CSMD1: variants seen among roughly 807,000 people sequenced by gnomAD.
The protein encoded by CSMD1 is CUB and Sushi multiple domains 1, also known as CUB and sushi domain-containing protein 1.
CSMD1 carries 213 observed loss-of-function variants against 417.5 expected under a neutral mutation model. That is an observed-to-expected ratio of 0.51 (90% CI 0.46 to 0.57). The LOEUF (loss-of-function observed/expected upper bound fraction) is 0.57. Ranked by LOEUF, CSMD1 falls within the 20% of genes least tolerant of loss-of-function variation. The probability of loss-of-function intolerance (pLI) is 0.00; values close to 1 mark genes in which losing one functional copy is unlikely to be tolerated. For missense variants in CSMD1, 6,923 were observed against 4,529.7 expected, an observed-to-expected ratio of 1.53 and a Z score of -15.17; for synonymous variants, 2,862 against 1,736.8, an observed-to-expected ratio of 1.65 and a Z score of -16.11.
chr8:4,460,732 A>T (rs2129941834), intron 2 of CSMD1, among the ~76,000 whole-genome samples: 1 of 152,268 alleles, frequency 6.6e-6, no homozygotes, highest in South Asian at 2.1e-4. Flanking sequence ...AAATTACCCA[A>T]AACTTAAGTC....
At chr8:4,835,458 G>C (rs1429979247) in intron 1 of CSMD1, among the ~76,000 whole-genome samples, 1 of 152,160 alleles carries the variant, frequency 6.6e-6, no homozygotes, top group Non-Finnish European at 1.5e-5. Context: ...GGAACTAAAG[G>C]GAGAGACAGT....
rs530180163 is a variant in CSMD1, at chr8:4,769,461, T to C, written c.86-131903A>G. 5.3e-5 allele frequency among the ~76,000 whole-genome samples: 8 copies of C among 152,312 alleles called. No individual in the cohort carries two copies. In the South Asian group the frequency reaches 6.2e-4, roughly 12 times the overall value. ...TAAGGTATTATCTGAAGATCACTTA[T>C]GAAGATAAATACCTATGTATTAATA... On this transcript the variant is annotated intron_variant, in intron 1 of 69. Coordinates refer to ENST00000635120, the MANE Select transcript of CSMD1 (RefSeq NM_033225.6).
chr8:4,011,655 T>C (rs1816544952), intron 4 of CSMD1, among the ~76,000 whole-genome samples: 1 of 152,212 alleles, frequency 6.6e-6, no homozygotes, highest in Non-Finnish European at 1.5e-5. Flanking sequence ...TTTTCATTCC[T>C]ACACTTCCTA....
intron 2 of CSMD1, among the ~76,000 whole-genome samples, chr8:4,556,848 T>C (rs1798113880): frequency 6.6e-6 from 1 of 152,202 alleles, no homozygotes. Flanking sequence ...ATTTGGGATG[T>C]GTAACTAATA....
intron 3 of CSMD1, among the ~76,000 whole-genome samples, chr8:4,052,974 G>A (rs901505655): frequency 1.3e-5 from 2 of 152,068 alleles, no homozygotes. Context: ...CAGAACCTGA[G>A]GGCCCCCTTA....
intron 1 of CSMD1, among the ~76,000 whole-genome samples, chr8:4,770,766 A>G (rs1796560932): frequency 6.6e-6 from 1 of 152,182 alleles, no homozygotes; most frequent in Admixed American, 6.5e-5. Context: ...CTCATGCAAA[A>G]GAATGAAATT....
intron 10 of CSMD1, among the ~76,000 whole-genome samples, chr8:3,547,335 T>C (rs997038159): frequency 1.3e-5 from 2 of 152,238 alleles, no homozygotes; most frequent in African/African-American, 4.8e-5. Flanking sequence ...TAAGTGAGAA[T>C]GTAAAATTTG....
intron 1 of CSMD1, among the ~76,000 whole-genome samples, chr8:4,946,757 A>T (rs765091115): frequency 2.6e-4 from 39 of 152,246 alleles, no homozygotes; most frequent in Admixed American, 6.5e-5. Context: ...AGGTTCAGTT[A>T]TAACACCAAT....
intron 3 of CSMD1, among the ~76,000 whole-genome samples, chr8:4,361,639 T>C (rs958305288): frequency 4.6e-5 from 7 of 152,174 alleles, no homozygotes; most frequent in Non-Finnish European, 7.4e-5. Flanking sequence ...CCTTTTGTTT[T>C]GTTTTTCCTT....
chr8:4,692,996 G>A (rs571507527), intron 1 of CSMD1, among the ~76,000 whole-genome samples: 2 of 152,238 alleles, frequency 1.3e-5, no homozygotes, highest in South Asian at 2.1e-4. Flanking sequence ...CTGGAACAAA[G>A]CTCATCATGG....
At chr8:3,851,466 G>T (rs554981685) in intron 5 of CSMD1, among the ~76,000 whole-genome samples, 1 of 152,192 alleles carries the variant, frequency 6.6e-6, no homozygotes, top group African/African-American at 2.4e-5. Flanking sequence ...TATCTCAAGG[G>T]AAAAAGTACA....
chr8:4,565,331 A>G (rs964211230), intron 2 of CSMD1, among the ~76,000 whole-genome samples: 8 of 152,240 alleles, frequency 5.3e-5, no homozygotes, highest in Admixed American at 5.2e-4. Context: ...ATGGCTAACC[A>G]GTCTGCCTAA....
chr8:4,113,390 C>CTTT lies in CSMD1; in HGVS notation c.416-81294_416-81292dup, dbSNP rs59647790. On this transcript the variant is annotated intron_variant, in intron 3 of 69. Transcript: ENST00000635120. The stretch of plus-strand genomic sequence containing the variant: ...ATGTTCTTCAAGGAAAATAAAAGGG[C>CTTT]TTTTTTTTTTTTTTTTTTTTTTTTT... 4.3e-4 allele frequency among the ~76,000 whole-genome samples: 35 copies of CTTT among 81,200 alleles called. 1 individual carries two copies. The highest frequency in any genetic ancestry group is 1.8e-3 in the East Asian group (4 of 2,258). 53.3% of individuals were successfully genotyped at this position (81,200 alleles called of 152,430 possible). A position where few individuals can be genotyped will look rare whatever the true frequency, so the allele number is the denominator to read the frequency against.
intron 49 of CSMD1, among the ~76,000 whole-genome samples, chr8:3,085,713 A>G (rs1585311009): frequency 6.6e-6 from 1 of 152,324 alleles, no homozygotes; most frequent in South Asian, 2.1e-4. Flanking sequence ...TCCCAAACCT[A>G]TATATGTGAC....
intron 5 of CSMD1, among the ~76,000 whole-genome samples, chr8:3,816,359 C>T (rs1375416236): frequency 1.3e-5 from 2 of 152,160 alleles, no homozygotes; most frequent in Non-Finnish European, 2.9e-5. Flanking sequence ...AATAAGTGAG[C>T]ACAGCAGGAA....
At chr8:3,871,630 T>A (rs937380898) in intron 5 of CSMD1, among the ~76,000 whole-genome samples, 1 of 152,224 alleles carries the variant, frequency 6.6e-6, no homozygotes, top group East Asian at 1.9e-4. Flanking sequence ...GGATATATTT[T>A]TTCTCACTTT....
At chr8:3,787,379 A>T (rs1275380051) in intron 5 of CSMD1, among the ~76,000 whole-genome samples, 2 of 152,206 alleles carry the variant, frequency 1.3e-5, no homozygotes, top group Non-Finnish European at 2.9e-5. Context: ...TCAATTAAGT[A>T]AGCAGATAAC....
At position 4,106,180 on chromosome 8, in the gene CSMD1, A is replaced by T. The variant is rs138624199; in HGVS notation, c.416-74081T>A. On this transcript the variant is annotated intron_variant, in intron 3 of 69. Coordinates refer to ENST00000635120, the MANE Select transcript of CSMD1 (RefSeq NM_033225.6). ...GAGTACAGACCAGCGTCTGTGCCTG[A>T]TGGACACCCGGAGATCTATGAGAGG... Among the ~76,000 whole-genome samples, 197 of 152,316 alleles carry T rather than the reference A, an allele frequency of 1.3e-3. 1 individual carries two copies. The highest frequency in any genetic ancestry group is 4.5e-3 in the African/African-American group (186 of 41,560).
chr8:3,778,995 G>A (rs529046971), intron 5 of CSMD1, among the ~76,000 whole-genome samples: 18 of 152,168 alleles, frequency 1.2e-4, no homozygotes, highest in African/African-American at 4.1e-4. Context: ...ACTTTTTCTA[G>A]GCTCAGATCA....
Sources: allele counts gnomAD v4.1 joint callset (sites outside exome capture counted in the v4.1 genomes callset), GRCh38; gene constraint gnomAD v4.1.1; transcripts MANE v1.5; gene names NCBI Gene and HGNC (gene_info 2026-07-23, HGNC 2026-07-21).